The following TTBK2 variants were observed in gnomAD, a reference collection of about 807,000 sequenced individuals.
TTBK2 encodes tau tubulin kinase 2, also known as tau-tubulin kinase 2.
In TTBK2, 28 loss-of-function variants were observed where a neutral mutation model predicts 110.8. The ratio of observed to expected loss-of-function variants is 0.25; its 90% CI spans 0.19 to 0.35. TTBK2 has a LOEUF of 0.35. Among genes scored for constraint, TTBK2 ranks in the 10% least tolerant of loss-of-function variants. The pLI, the probability that TTBK2 is intolerant of heterozygous loss-of-function variation, is 1.00. For synonymous variants in TTBK2, 532 were observed against 527.3 expected (o/e 1.01, Z -0.12); for missense variants, 1,369 against 1,500.3 (o/e 0.91, Z 1.45).
intron 2 of TTBK2, among the ~76,000 whole-genome samples, chr15:42,876,006 TG>T (rs1894808597): frequency 6.7e-6 from 1 of 150,088 alleles, no homozygotes; most frequent in Non-Finnish European, 1.5e-5. Context: ...GGTTGGGGGT[TG>T]GGGGTGAAGA....
intron 14 of TTBK2, among the ~76,000 whole-genome samples, chr15:42,748,365 G>A (rs184929130): frequency 2.0e-5 from 3 of 152,150 alleles, no homozygotes; most frequent in Non-Finnish European, 4.4e-5. Context: ...ACTGAGACAG[G>A]AGAATCGCTT....
intron 1 of TTBK2, among the ~76,000 whole-genome samples, chr15:42,882,531 T>C (rs1001149323): frequency 2.6e-5 from 4 of 151,846 alleles, no homozygotes; most frequent in African/African-American, 4.8e-5. Flanking sequence ...GAAGAATCAC[T>C]TGGACCCAGG....
At chr15:42,768,918 G>A (rs560791927) in intron 13 of TTBK2, among the ~76,000 whole-genome samples, 403 of 152,246 alleles carry the variant, frequency 2.6e-3, no homozygotes, top group Middle Eastern at 6.8e-3. Flanking sequence ...CAGATACATA[G>A]ACCAATGGAA....
intron 2 of TTBK2, among the ~76,000 whole-genome samples, chr15:42,877,843 T>C (rs922559718): frequency 1.3e-5 from 2 of 152,136 alleles, no homozygotes; most frequent in African/African-American, 2.4e-5. Flanking sequence ...TTTTTAGAGA[T>C]ACATACTGAA....
chr15:42,781,604 T>A (rs972785365), intron 11 of TTBK2, among the ~76,000 whole-genome samples: 4 of 152,120 alleles, frequency 2.6e-5, no homozygotes, highest in East Asian at 3.8e-4. Context: ...TATGTAAATT[T>A]AAAAAATTTT....
chr15:42,845,633 CAAAAAAAAA>C (rs894783459), intron 3 of TTBK2, among the ~76,000 whole-genome samples: 2 of 15,300 alleles, frequency 1.3e-4, no homozygotes, highest in Non-Finnish European at 2.1e-4. Context: ...GGCTGCATCT[CAAAAAAAAA>C]AAAAAAAAAA....
chr15:42,754,280 C>T (rs1383875560), intron 13 of TTBK2, among the ~76,000 whole-genome samples: 1 of 152,036 alleles, frequency 6.6e-6, no homozygotes, highest in Non-Finnish European at 1.5e-5. Flanking sequence ...TGGGGTGTCA[C>T]CTGTTGCCCA....
intron 9 of TTBK2, among the ~76,000 whole-genome samples, chr15:42,803,824 A>G (rs1198319870): frequency 6.6e-6 from 1 of 151,974 alleles, no homozygotes; most frequent in Non-Finnish European, 1.5e-5. Context: ...TGAGGTCAGG[A>G]GTTCGAGACC....
At chr15:42,772,789 T>C (rs1889734714) in intron 13 of TTBK2, among the ~76,000 whole-genome samples, 3 of 151,950 alleles carry the variant, frequency 2.0e-5, no homozygotes, top group South Asian at 2.1e-4. Flanking sequence ...TTGCAAAAGA[T>C]TGAAAAATTA....
chr15:42,846,085 T>G (rs80089893), intron 3 of TTBK2, among the ~76,000 whole-genome samples: 6,650 of 151,930 alleles, frequency 0.044, 374 homozygotes, highest in East Asian at 0.13. Flanking sequence ...GTAAATGCTA[T>G]GCAAATAGTT....
intron 1 of TTBK2, among the ~76,000 whole-genome samples, chr15:42,892,429 G>A (rs1895494506): frequency 6.6e-6 from 1 of 152,112 alleles, no homozygotes. Flanking sequence ...ATGTTTGGCT[G>A]GGCACGGGGG....
intron 3 of TTBK2, among the ~76,000 whole-genome samples, chr15:42,866,327 A>C (rs2141098233): frequency 6.6e-6 from 1 of 152,256 alleles, no homozygotes; most frequent in Non-Finnish European, 1.5e-5. Context: ...ATAATGATAA[A>C]GGGGTCAATT....
Position 42,914,943 on chromosome 15 carries a change from C to T in TTBK2, c.-68+5495G>A, listed in dbSNP as rs531358607. On this transcript the variant is annotated intron_variant, in intron 1 of 14. Transcript: ENST00000267890. ...CTTCTCCTGCAAATCTCTGCTTCCACTATTTGTAAGCTCCAAAAGTGAGTA... is the reference window on the plus strand; with the variant it reads ...CTTCTCCTGCAAATCTCTGCTTCCATTATTTGTAAGCTCCAAAAGTGAGTA... Among the ~76,000 whole-genome samples the T allele has an allele frequency of 3.4e-4, 52 of 152,314 alleles. 1 individual carries two copies. Among genetic ancestry groups the T allele is most frequent in the South Asian group, 1.4e-3 (7 of 4,832 alleles).
intron 1 of TTBK2, among the ~76,000 whole-genome samples, chr15:42,913,131 CAAAAAAAAAAAAA>C (rs61404472): frequency 3.2e-5 from 1 of 30,914 alleles, no homozygotes; most frequent in Non-Finnish European, 6.9e-5. Context: ...GACTCCGTCT[CAAAAAAAAAAAAA>C]AAAAAAAAAA....
At chr15:42,866,908 G>T (rs1343789553) in intron 3 of TTBK2, among the ~76,000 whole-genome samples, 1 of 152,134 alleles carries the variant, frequency 6.6e-6, no homozygotes, top group Non-Finnish European at 1.5e-5. Flanking sequence ...ACTGAAAAAG[G>T]TGCTTGAAGG....
intron 4 of TTBK2, among the ~76,000 whole-genome samples, chr15:42,837,295 T>C (rs1168382370): frequency 6.7e-6 from 1 of 149,926 alleles, no homozygotes. Context: ...GAGGCGAAGG[T>C]TGCAGTGAGC....
chr15:42,778,029 A>G (rs766146206), intron 11 of TTBK2, among the ~76,000 whole-genome samples: 13 of 152,138 alleles, frequency 8.5e-5, no homozygotes, highest in Admixed American at 2.6e-4. Context: ...CAAAAAAAAA[A>G]AGAGAGAGAA....
rs529260084 is a variant in TTBK2, at chr15:42,817,084, G to A, written c.551C>T (p.Ala184Val). ...ATAACGAACTGTCCCTCGAAAACCT[G>A]CCACAGCTCGAGGCTACAACGAAGC... is the stretch of plus-strand genomic sequence containing the variant. Reference protein sequence around the residue: ...CGDVRPPRAVAGFRGTVRYAS... With the variant: ...CGDVRPPRAVVGFRGTVRYAS... The change falls in exon 7 of 15, where the codon GCA becomes GTA. Residue 184 changes from alanine (A) to valine (V), a missense_variant. This residue lies in a region of TTBK2 where 138 missense variants were observed against 179.0 expected (regional missense o/e 0.77). Transcript: ENST00000267890. 2 of 1,607,988 alleles carry A rather than the reference G, an allele frequency of 1.2e-6. No individual in the cohort carries two copies. The highest frequency in any genetic ancestry group is 1.3e-5 in the African/African-American group (1 of 74,778).
Position 42,742,784 on chromosome 15 carries a change from A to T in TTBK2, c.*3011T>A, listed in dbSNP as rs530489529. ...CTTGACCTTAATAGCCATGTCCCTC[A>T]TCTTAGATAGAATAACCAAATTGGT... On this transcript the variant is annotated 3_prime_UTR_variant, in exon 15 of 15. Coordinates refer to ENST00000267890, the MANE Select transcript of TTBK2 (RefSeq NM_173500.4). 6.6e-6 allele frequency: 1 copy of T among 152,356 alleles called. No homozygotes were observed. Among genetic ancestry groups the T allele is most frequent in the African/African-American group, 2.4e-5 (1 of 41,590 alleles). 9.4% of individuals were successfully genotyped at this position (152,356 alleles called of 1,614,324 possible). A position where few individuals can be genotyped will look rare whatever the true frequency, so the allele number is the denominator to read the frequency against.
Sources: gnomAD v4.1 joint callset for allele counts (sites outside exome capture counted in the v4.1 genomes callset) on GRCh38, gnomAD v4.1.1 for gene constraint, gnomAD v4.1.1 regional missense constraint, MANE v1.5 for transcripts, NCBI Gene and HGNC (gene_info 2026-07-23, HGNC 2026-07-21) for gene names.